NEBL: variants seen among roughly 807,000 people sequenced by gnomAD.
NEBL encodes the protein LIM and SH3 protein 2.
NEBL carries 122 observed loss-of-function variants against 140.2 expected under a neutral mutation model. The ratio of observed to expected loss-of-function variants is 0.87; its 90% CI spans 0.75 to 1.01. NEBL has a LOEUF of 1.01. NEBL is among the 50% of genes least tolerant of loss of function. NEBL has a pLI of 0.00. For synonymous variants in NEBL, 436 were observed against 398.9 expected, an observed-to-expected ratio of 1.09 and a Z score of -1.11; for missense variants, 1,365 against 1,231.3, an observed-to-expected ratio of 1.11 and a Z score of -1.62.
intron 2 of NEBL, among the ~76,000 whole-genome samples, chr10:21,077,433 C>T (rs1267877934): frequency 2.0e-5 from 3 of 151,912 alleles, no homozygotes; most frequent in African/African-American, 7.3e-5. Context: ...TGGTGAAACC[C>T]CATCTCTACT....
intron 3 of NEBL, among the ~76,000 whole-genome samples, chr10:21,013,337 A>G (rs1458992139): frequency 6.6e-6 from 1 of 152,198 alleles, no homozygotes; most frequent in Non-Finnish European, 1.5e-5. Context: ...ATGAACTTTA[A>G]CCATTACATA....
chr10:20,965,556 A>G (rs1003926704), intron 3 of NEBL, among the ~76,000 whole-genome samples: 14 of 152,202 alleles, frequency 9.2e-5, no homozygotes, highest in African/African-American at 3.4e-4. Flanking sequence ...GAAGAGGAAG[A>G]GGACTGCAGA....
chr10:20,967,201 A>G (rs923445914), intron 3 of NEBL, among the ~76,000 whole-genome samples: 2 of 152,242 alleles, frequency 1.3e-5, no homozygotes, highest in Admixed American at 1.3e-4. Flanking sequence ...AAAATAGGAA[A>G]CAACCTAAAT....
At position 20,808,679 on chromosome 10, in the gene NEBL, T is replaced by C. The variant is rs762181059; in HGVS notation, c.2612-20A>G. On this transcript the variant is annotated intron_variant, in intron 25 of 27. Transcript: ENST00000377122. ...CCTTTTCTATATTGGAGGGAAAATATTTACACGTGTGATTAAGTGACTCGA... is the reference window on the plus strand; with the variant it reads ...CCTTTTCTATATTGGAGGGAAAATACTTACACGTGTGATTAAGTGACTCGA... The C allele has an allele frequency of 6.2e-7, 1 of 1,607,186 alleles. No individual in the cohort carries two copies. Among genetic ancestry groups the C allele is most frequent in the Non-Finnish European group, 8.5e-7 (1 of 1,174,254 alleles).
intron 7 of NEBL, 103 bp from the exon 8 acceptor site, chr10:20,859,929 A>G (rs2131148446): frequency 3.1e-6 from 2 of 639,032 alleles, no homozygotes; most frequent in Non-Finnish European, 5.5e-6. Flanking sequence ...GAATGTTGCC[A>G]AGTGTAAATT....
chr10:21,268,502 T>A (rs991451215), intron 1 of NEBL, among the ~76,000 whole-genome samples: 1 of 147,674 alleles, frequency 6.8e-6, no homozygotes, highest in Non-Finnish European at 1.5e-5. Flanking sequence ...AAAAATACAT[T>A]AAAAATAAAA....
At chr10:20,803,120 G>A (rs1383416141) in intron 26 of NEBL, among the ~76,000 whole-genome samples, 1 of 152,118 alleles carries the variant, frequency 6.6e-6, no homozygotes, top group Non-Finnish European at 1.5e-5. Flanking sequence ...ATTAAAGGAC[G>A]TCTTTCTGGG....
intron 26 of NEBL, among the ~76,000 whole-genome samples, chr10:20,798,920 A>G (rs1215202044): frequency 1.3e-5 from 2 of 152,196 alleles, no homozygotes; most frequent in African/African-American, 4.8e-5. Flanking sequence ...AAAACGTATG[A>G]CATTTCTTTC....
intron 3 of NEBL, among the ~76,000 whole-genome samples, chr10:20,966,793 T>C (rs926974939): frequency 2.0e-5 from 3 of 152,210 alleles, no homozygotes; most frequent in South Asian, 4.1e-4. Context: ...AGCGCAATTA[T>C]TACTATTATA....
At chr10:20,844,989 G>A (rs1400357420) in intron 12 of NEBL, among the ~76,000 whole-genome samples, 1 of 151,984 alleles carries the variant, frequency 6.6e-6, no homozygotes, top group African/African-American at 2.4e-5. Flanking sequence ...GAGCTTCTGA[G>A]CTACAACTAA....
At chr10:20,840,968 C>A in intron 12 of NEBL, 119 bp from the exon 13 acceptor site, 1 of 695,378 alleles carries the variant, frequency 1.4e-6, no homozygotes, top group Non-Finnish European at 2.6e-6. Flanking sequence ...AGGAATGAAT[C>A]ACACAGCTAA....
At chr10:21,043,412 A>C (rs1834356971) in intron 2 of NEBL, among the ~76,000 whole-genome samples, 1 of 152,354 alleles carries the variant, frequency 6.6e-6, no homozygotes, top group African/African-American at 2.4e-5. Context: ...TATGCACAAT[A>C]AACAGGATAA....
intron 4 of NEBL, among the ~76,000 whole-genome samples, chr10:20,923,666 CAAAAAAA>C (rs71390799): frequency 0.03 from 845 of 28,332 alleles, 6 homozygotes; most frequent in African/African-American, 0.095. Flanking sequence ...GACTCCGTCT[CAAAAAAA>C]AAAAAAAAAA....
intron 2 of NEBL, among the ~76,000 whole-genome samples, chr10:21,114,716 C>A (rs934861125): frequency 6.6e-6 from 1 of 152,006 alleles, no homozygotes; most frequent in African/African-American, 2.4e-5. Context: ...GCTACTCCAC[C>A]TTTCTTTGAT....
At chr10:21,253,572 T>G (rs1842616126) in intron 1 of NEBL, among the ~76,000 whole-genome samples, 2 of 150,874 alleles carry the variant, frequency 1.3e-5, no homozygotes, top group East Asian at 3.9e-4. Context: ...AGATGGAGTT[T>G]TGCTCTTGTT....
At chr10:21,213,725 C>T (rs563199748) in intron 3 of NEBL, among the ~76,000 whole-genome samples, 5 of 152,008 alleles carry the variant, frequency 3.3e-5, no homozygotes, top group Non-Finnish European at 7.4e-5. Context: ...TCTATAGCAG[C>T]CTTTAGCTAT....
At position 20,817,584 on chromosome 10, in the gene NEBL, A is replaced by G. The variant is rs1838851475; in HGVS notation, c.2148+16T>C. 1.3e-6 allele frequency: 2 copies of G among 1,588,558 alleles called. No individual in the cohort carries two copies. The highest frequency in any genetic ancestry group is 1.7e-4 in the Middle Eastern group (1 of 6,016). ...CATTTGATAGTGTAAGAAAAAAGTT[A>G]CTAAGATGATCACACATTGCTGATG... On this transcript the variant is annotated intron_variant, in intron 21 of 27. Transcript: ENST00000377122.
At chr10:21,043,224 C>T (rs1301965181) in intron 2 of NEBL, among the ~76,000 whole-genome samples, 2 of 152,142 alleles carry the variant, frequency 1.3e-5, no homozygotes, top group Admixed American at 1.3e-4. Flanking sequence ...GCTTCACATC[C>T]AACAGATGGT....
upstream of NEBL, among the ~76,000 whole-genome samples, chr10:20,900,999 C>T (rs1847847740): frequency 6.6e-6 from 1 of 152,036 alleles, no homozygotes; most frequent in Admixed American, 6.6e-5. Context: ...GCCTGGGTGA[C>T]AGAGCGAGAC....
Sources: gnomAD v4.1 joint callset for allele counts (sites outside exome capture counted in the v4.1 genomes callset) on GRCh38, gnomAD v4.1.1 for gene constraint, MANE v1.5 for transcripts, NCBI Gene and HGNC (gene_info 2026-07-23, HGNC 2026-07-21) for gene names.